Variants in GDNF observed in about 807,000 individuals in gnomAD.
GDNF encodes the protein glial cell derived neurotrophic factor.
GDNF carries 5 observed loss-of-function variants against 13.7 expected under a neutral mutation model. The ratio of observed to expected loss-of-function variants is 0.36; its 90% CI spans 0.19 to 0.77. GDNF has a LOEUF of 0.77. Ranked by LOEUF, GDNF falls within the 30% of genes least tolerant of loss-of-function variation. The probability of loss-of-function intolerance (pLI) is 0.51; values close to 1 mark genes in which losing one functional copy is unlikely to be tolerated. For missense variants in GDNF, 246 were observed against 274.3 expected (o/e 0.90, Z 0.73); for synonymous variants, 122 against 112.5 (o/e 1.08, Z -0.53).
chr5:37,827,889 A>G (rs1214305909), intron 2 of GDNF, among the ~76,000 whole-genome samples: 2 of 152,232 alleles, frequency 1.3e-5, no homozygotes, highest in Admixed American at 6.5e-5. Context: ...TAAACCTATG[A>G]TGAAAAATTT....
intron 1 of GDNF, chr5:37,835,370 G>A (rs1561137064): frequency 1.7e-6 from 2 of 1,176,464 alleles, no homozygotes; most frequent in Non-Finnish European, 1.1e-6. Context: ...GGCTAGTCGA[G>A]GGCAGGCTCG....
At chr5:37,817,681 C>A (rs16903735) in intron 2 of GDNF, among the ~76,000 whole-genome samples, 8,886 of 151,786 alleles carry the variant, frequency 0.059, 638 homozygotes, top group African/African-American at 0.17. Flanking sequence ...TGATTGGAAT[C>A]CGTAGAATGC....
intron 2 of GDNF, among the ~76,000 whole-genome samples, chr5:37,823,749 G>C (rs758982185): frequency 2.6e-5 from 4 of 152,218 alleles, no homozygotes; most frequent in Non-Finnish European, 4.4e-5. Flanking sequence ...CGTGACCTTG[G>C]AAGTAGTCAC....
At chr5:37,819,836 A>C (rs968391993) in intron 2 of GDNF, among the ~76,000 whole-genome samples, 1 of 152,066 alleles carries the variant, frequency 6.6e-6, no homozygotes, top group African/African-American at 2.4e-5. Flanking sequence ...AACAAAACAA[A>C]ACAACAACAT....
In GDNF at chr5:37,830,035, T is replaced by C. The variant is rs150524363; in HGVS notation, c.151+4611A>G. On this transcript the variant is annotated intron_variant, in intron 2 of 2. Coordinates refer to ENST00000326524, the MANE Select transcript of GDNF (RefSeq NM_000514.4). ...TAAGCGATAAGACACAACAGATAGA[T>C]GGTGTTTGTTCATTCTAAATTCTGT... 5.0e-3 allele frequency among the ~76,000 whole-genome samples: 763 copies of C among 152,336 alleles called. 3 individuals are homozygous for C. The highest frequency in any genetic ancestry group is 6.7e-3 in the Non-Finnish European group (457 of 68,022).
intron 2 of GDNF, among the ~76,000 whole-genome samples, chr5:37,819,139 T>C (rs1457328312): frequency 6.6e-6 from 1 of 152,208 alleles, no homozygotes; most frequent in Middle Eastern, 3.2e-3. Context: ...GTCATTTTAC[T>C]AGGCGGAAAG....
intron 1 of GDNF, 191 bp from the exon 2 acceptor site, chr5:37,835,013 C>A: frequency 1.7e-6 from 1 of 599,684 alleles, no homozygotes; most frequent in Non-Finnish European, 2.9e-6. Flanking sequence ...TCAGCGCGCC[C>A]CAGGAGCAGC....
intron 2 of GDNF, among the ~76,000 whole-genome samples, chr5:37,822,605 T>C (rs1335173503): frequency 6.6e-6 from 1 of 152,054 alleles, no homozygotes; most frequent in African/African-American, 2.4e-5. Context: ...AGGAGGAAAA[T>C]GGAAAACCCC....
At chr5:37,817,666 A>C (rs1382238082) in intron 2 of GDNF, among the ~76,000 whole-genome samples, 1 of 151,948 alleles carries the variant, frequency 6.6e-6, no homozygotes, top group African/African-American at 2.4e-5. Context: ...TAATGAAAAG[A>C]CTGGTGATTG....
intron 1 of GDNF, chr5:37,835,724 C>A: frequency 7.2e-7 from 1 of 1,390,838 alleles, no homozygotes. Context: ...ATTTTTGCAC[C>A]TTTGAGAGAT....
chr5:37,833,586 A>G (rs1750597597), intron 2 of GDNF, among the ~76,000 whole-genome samples: 1 of 152,198 alleles, frequency 6.6e-6, no homozygotes, highest in African/African-American at 2.4e-5. Flanking sequence ...TGGGGGACTC[A>G]GCGCACAGCT....
chr5:37,818,120 C>T (rs547239585), intron 2 of GDNF, among the ~76,000 whole-genome samples: 5 of 152,300 alleles, frequency 3.3e-5, no homozygotes, highest in South Asian at 2.1e-4. Flanking sequence ...CTGACCTTTT[C>T]GGCTGGGTCA....
At chr5:37,819,887 A>C (rs1425425643) in intron 2 of GDNF, among the ~76,000 whole-genome samples, 1 of 152,218 alleles carries the variant, frequency 6.6e-6, no homozygotes, top group Non-Finnish European at 1.5e-5. Flanking sequence ...CTTAAAAAAA[A>C]ATGAGCTGCT....
chr5:37,831,625 G>C (rs1750526395), intron 2 of GDNF, among the ~76,000 whole-genome samples: 1 of 152,076 alleles, frequency 6.6e-6, no homozygotes, highest in Non-Finnish European at 1.5e-5. Flanking sequence ...GGAAACTCTG[G>C]TCCCAGCTTC....
chr5:37,820,767 T>C (rs1216638540), intron 2 of GDNF, among the ~76,000 whole-genome samples: 1 of 152,170 alleles, frequency 6.6e-6, no homozygotes, highest in East Asian at 1.9e-4. Context: ...CTATTATTAT[T>C]ATTATTTTTT....
chr5:37,813,512 T>C lies in GDNF; in HGVS notation c.*2139A>G, dbSNP rs1476986457. On this transcript the variant is annotated 3_prime_UTR_variant, in exon 3 of 3. Coordinates refer to ENST00000326524, the MANE Select transcript of GDNF (RefSeq NM_000514.4). ...CCCGATAAATTCACAATCTAGGGCATGGAGGAGGTGGCTGTTCCCGCCCCT... is the reference window on the plus strand; with the variant it reads ...CCCGATAAATTCACAATCTAGGGCACGGAGGAGGTGGCTGTTCCCGCCCCT... The C allele has an allele frequency of 1.3e-5, 2 of 150,500 alleles. No individual in the cohort carries two copies. The highest frequency in any genetic ancestry group is 4.9e-5 in the African/African-American group (2 of 40,774). The allele number at this position is 150,500 out of a possible 1,614,324, so 9.3% of individuals were successfully genotyped here. A position where few individuals can be genotyped will look rare whatever the true frequency, so the allele number is the denominator to read the frequency against.
chr5:37,828,151 C>T (rs1029210179), intron 2 of GDNF, among the ~76,000 whole-genome samples: 1 of 152,196 alleles, frequency 6.6e-6, no homozygotes, highest in Non-Finnish European at 1.5e-5. Flanking sequence ...ACACTAGGTT[C>T]CTATGTGGAT....
chr5:37,835,634 C>A (rs1288233617), intron 1 of GDNF: 21 of 1,549,398 alleles, frequency 1.4e-5, no homozygotes, highest in Non-Finnish European at 1.8e-5. Context: ...AATGCTTTAC[C>A]ATTGCTGTTA....
At position 37,834,829 on chromosome 5, in the gene GDNF, G is replaced by T. The variant is rs745700871; in HGVS notation, c.-26-7C>A. ...TCCCGTCCGGCGGCGGCACCTGCGC[G>T]GGCAGGCGGGAGGTGGGGGAGAGAA... is the stretch of plus-strand genomic sequence containing the variant. On this transcript the variant is annotated splice_polypyrimidine_tract_variant and splice_region_variant and intron_variant, in intron 1 of 2. Coordinates refer to ENST00000326524, the MANE Select transcript of GDNF (RefSeq NM_000514.4). The T allele has an allele frequency of 1.2e-6, 2 of 1,612,210 alleles. No individual in the cohort carries two copies. Among genetic ancestry groups the T allele is most frequent in the Non-Finnish European group, 1.7e-6 (2 of 1,179,066 alleles).
Sources: allele counts gnomAD v4.1 joint callset (sites outside exome capture counted in the v4.1 genomes callset), GRCh38; gene constraint gnomAD v4.1.1; transcripts MANE v1.5; gene names NCBI Gene and HGNC (gene_info 2026-07-23, HGNC 2026-07-21).